The following GLB1 variants were observed in gnomAD, a reference collection of about 807,000 sequenced individuals.
The protein encoded by GLB1 is beta-galactosidase.
A neutral mutation model predicts 74.0 loss-of-function variants in GLB1; 56 were observed. The ratio of observed to expected loss-of-function variants is 0.76; its 90% confidence interval spans 0.61 to 0.94. The LOEUF is 0.94. Ranked by LOEUF, GLB1 falls within the 40% of genes least tolerant of loss-of-function variation. GLB1 has a pLI of 0.00. For synonymous variants in GLB1, 323 were observed against 323.6 expected (o/e 1.00, Z 0.02); for missense variants, 787 against 845.5 (o/e 0.93, Z 0.86).
Position 33,093,120 on chromosome 3 carries a change from C to G in GLB1, c.75+3891G>C. On this transcript the variant is annotated intron_variant, in intron 1 of 15. Transcript: ENST00000307363. This position sits in a 1 kb window ranked among gnomAD's most constrained non-coding sequence, Gnocchi z 6.0. ...TAGCAAGATGATTGTGTGGTCTGGG[C>G]TGCAGCCCTCCAGGGCCTTGTCAAG... 1.9e-6 allele frequency: 3 copies of G among 1,614,204 alleles called. No individual in the cohort carries two copies. Among genetic ancestry groups the G allele is most frequent in the Non-Finnish European group, 2.5e-6 (3 of 1,180,034 alleles).
intron 10 of GLB1, among the ~76,000 whole-genome samples, chr3:33,044,121 A>AC (rs1698648076): frequency 2.0e-5 from 3 of 152,232 alleles, no homozygotes; most frequent in Non-Finnish European, 1.5e-5. Context: ...TATAGTCAAC[A>AC]ACTGTAAAAT....
Position 33,003,756 on chromosome 3 carries a change from A to C in GLB1, c.1735-6412T>G, listed in dbSNP as rs1696674112. Among the ~76,000 whole-genome samples, 12 of 152,312 alleles carry C rather than the reference A, an allele frequency of 7.9e-5. No individual in the cohort carries two copies. In the South Asian group the frequency reaches 2.3e-3, roughly 29 times the overall value. The stretch of plus-strand genomic sequence containing the variant: ...ATCAAGAAGTAGAATCTGTCTGGGC[A>C]TGGTGGCTCACTCCTGTAATCCCAG... On this transcript the variant is annotated intron_variant, in intron 15 of 15. Transcript: ENST00000307363.
intron 15 of GLB1, among the ~76,000 whole-genome samples, chr3:33,013,663 G>A (rs1446921515): frequency 6.6e-6 from 1 of 152,136 alleles, no homozygotes; most frequent in African/African-American, 2.4e-5. Context: ...GATGCAGGTG[G>A]GGATATTCTG....
chr3:33,086,969 TAGAA>T (rs1286580770), intron 1 of GLB1, among the ~76,000 whole-genome samples: 1 of 112,598 alleles, frequency 8.9e-6, no homozygotes, highest in African/African-American at 3.4e-5. Flanking sequence ...CAAAAGAGAA[TAGAA>T]AGATAGTAGG....
the GLB1 span, among the ~76,000 whole-genome samples, chr3:32,987,438 C>G: frequency 6.6e-6 from 1 of 152,200 alleles, no homozygotes; most frequent in African/African-American, 2.4e-5. Context: ...CCCTCACTTC[C>G]TTTCTCCTTA....
At chr3:33,085,248 C>G (rs1422188953) in intron 1 of GLB1, among the ~76,000 whole-genome samples, 9 of 116,154 alleles carry the variant, frequency 7.7e-5, no homozygotes, top group Non-Finnish European at 1.1e-4. Flanking sequence ...GCAGTCCAAT[C>G]AGAGTGACAG....
chr3:33,024,481 A>T (rs1697646442), intron 10 of GLB1, 156 bp from the exon 11 acceptor site: 5 of 761,520 alleles, frequency 6.6e-6, no homozygotes, highest in Non-Finnish European at 1.0e-5. Context: ...CTTCCAAAGC[A>T]GGATCTGGTA....
the GLB1 span, among the ~76,000 whole-genome samples, chr3:32,976,905 A>G: frequency 7.6e-3 from 1,163 of 152,296 alleles, 10 homozygotes; most frequent in African/African-American, 0.027. Flanking sequence ...TAGTCAATAT[A>G]TTGAGCTTGT....
rs35217324 is a variant in GLB1 at position 33,083,844 on chromosome 3, T to TA, written c.76-11132dup. Reference sequence around the variant, plus strand: ...TTCAGTAATAAATAAGCATCTTTTTTAAAAAAAATTAAACATAACACAATA... The same window carrying TA: ...TTCAGTAATAAATAAGCATCTTTTTTAAAAAAAAATTAAACATAACACAATA... On this transcript the variant is annotated intron_variant, in intron 1 of 15. Coordinates refer to ENST00000307363, the MANE Select transcript of GLB1 (RefSeq NM_000404.4). Among the ~76,000 whole-genome samples, 230 of 152,148 alleles carry TA rather than the reference T, an allele frequency of 1.5e-3. 2 individuals carry two copies. Among genetic ancestry groups the TA allele is most frequent in the African/African-American group, 5.0e-3 (209 of 41,492 alleles).
chr3:33,073,703 TAAATAA>T (rs1162313084), intron 1 of GLB1, among the ~76,000 whole-genome samples: 1 of 149,166 alleles, frequency 6.7e-6, no homozygotes, highest in Non-Finnish European at 1.5e-5. Flanking sequence ...AATAATAAAA[TAAATAA>T]AAATAAAAAT....
intron 14 of GLB1, among the ~76,000 whole-genome samples, chr3:33,015,299 C>T (rs754496432): frequency 6.6e-6 from 1 of 152,168 alleles, no homozygotes; most frequent in Non-Finnish European, 1.5e-5. Context: ...GGGAGGACCA[C>T]ACCCGAGTCA....
chr3:33,024,669 G>C (rs1008922089), intron 10 of GLB1, among the ~76,000 whole-genome samples: 1 of 152,196 alleles, frequency 6.6e-6, no homozygotes, highest in African/African-American at 2.4e-5. Context: ...ACTCTGAAGG[G>C]AGACAGCCTA....
chr3:33,028,424 A>T (rs1697863729), intron 10 of GLB1, among the ~76,000 whole-genome samples: 1 of 151,900 alleles, frequency 6.6e-6, no homozygotes, highest in African/African-American at 2.4e-5. Flanking sequence ...TTATATCTTT[A>T]TTTATTAGTT....
rs200934989 is a variant in GLB1 at position 33,059,266 on chromosome 3, C to T, written c.553-997G>A. Among the ~76,000 whole-genome samples, 3,294 of 112,662 alleles carry T rather than the reference C, an allele frequency of 0.029. 492 individuals carry two copies. In the East Asian group the frequency reaches 0.4, roughly 14 times the overall value. The allele number at this position is 112,662 out of a possible 152,430, so 73.9% of individuals were successfully genotyped here. On this transcript the variant is annotated intron_variant, in intron 5 of 15. Coordinates refer to ENST00000307363, the MANE Select transcript of GLB1 (RefSeq NM_000404.4). ...ACATACACACACACACACACACACACACACACACACACACACACACACACA... is the reference window on the plus strand; with the variant it reads ...ACATACACACACACACACACACACATACACACACACACACACACACACACA...
intron 15 of GLB1, among the ~76,000 whole-genome samples, chr3:33,001,702 C>T (rs1696578431): frequency 6.6e-6 from 1 of 152,178 alleles, no homozygotes; most frequent in Non-Finnish European, 1.5e-5. Context: ...GAGTGATATT[C>T]AATATACACT....
chr3:33,048,695 G>A (rs2125517471), intron 9 of GLB1, among the ~76,000 whole-genome samples: 2 of 152,286 alleles, frequency 1.3e-5, no homozygotes, highest in East Asian at 3.9e-4. Flanking sequence ...GCAGCTTCAG[G>A]GAGGCTTGGC....
chr3:33,079,585 C>G (rs1700249435), intron 1 of GLB1, among the ~76,000 whole-genome samples: 1 of 152,124 alleles, frequency 6.6e-6, no homozygotes, highest in Admixed American at 6.5e-5. Context: ...AATAAAAATG[C>G]AGACTGATAA....
the GLB1 span, among the ~76,000 whole-genome samples, chr3:32,985,086 C>T: frequency 5.7e-5 from 7 of 122,558 alleles, no homozygotes; most frequent in East Asian, 4.7e-4. Flanking sequence ...GCCTGGGTGA[C>T]GGAGTGAAAC....
At chr3:33,016,906 T>C in intron 13 of GLB1, 66 bp from the exon 14 acceptor site, 1 of 1,597,432 alleles carries the variant, frequency 6.3e-7, no homozygotes, top group Admixed American at 1.7e-5. Context: ...AGAGGCAGCA[T>C]GCTCAGTTAA....
Sources: gnomAD v4.1 joint callset for allele counts (sites outside exome capture counted in the v4.1 genomes callset) on GRCh38, gnomAD v4.1.1 for gene constraint, Gnocchi (gnomAD v3.1) non-coding constraint, MANE v1.5 for transcripts, NCBI Gene and HGNC (gene_info 2026-07-23, HGNC 2026-07-21) for gene names.